Variants in ZNF69 observed in about 807,000 individuals in gnomAD.
ZNF69 encodes the protein ZNF3.
In ZNF69, 47 loss-of-function variants were observed where a neutral mutation model predicts 50.9. That is an observed-to-expected ratio of 0.92 (90% CI 0.73 to 1.18). The LOEUF is 1.18. Ranked by LOEUF, ZNF69 falls within the 50% of genes most tolerant of loss-of-function variation. The pLI, the probability that ZNF69 is intolerant of heterozygous loss-of-function variation, is 0.00. For missense variants in ZNF69, 717 were observed against 675.1 expected, an observed-to-expected ratio of 1.06 and a Z score of -0.69; for synonymous variants, 216 against 223.1, an observed-to-expected ratio of 0.97 and a Z score of 0.29.
the ZNF69 span, among the ~76,000 whole-genome samples, chr19:11,968,677 G>A: frequency 1.3e-5 from 2 of 152,120 alleles, no homozygotes; most frequent in African/African-American, 4.8e-5. Flanking sequence ...TAGCCATGGA[G>A]TCTTTGTGTG....
At chr19:11,907,131 AAG>A (rs999927300), downstream of ZNF69, among the ~76,000 whole-genome samples, 17 of 152,296 alleles carry the variant, frequency 1.1e-4, no homozygotes, top group East Asian at 2.7e-3. Context: ...TTAGAGAAAA[AAG>A]AGTAAAAAGA....
chr19:11,976,408 C>T, the ZNF69 span, among the ~76,000 whole-genome samples: 1 of 151,652 alleles, frequency 6.6e-6, no homozygotes, highest in Non-Finnish European at 1.5e-5. Context: ...CTTTATGAAC[C>T]AGCCGAGCAT....
downstream of ZNF69, among the ~76,000 whole-genome samples, chr19:11,909,214 T>C (rs1972422522): frequency 6.6e-6 from 1 of 152,158 alleles, no homozygotes; most frequent in South Asian, 2.1e-4. Flanking sequence ...AAGGACCAGA[T>C]GGATTCACAG....
At chr19:11,891,986 A>AT (rs1977101140) in intron 1 of ZNF69, among the ~76,000 whole-genome samples, 2 of 151,858 alleles carry the variant, frequency 1.3e-5, no homozygotes, top group Admixed American at 1.3e-4. Context: ...ATTTAATTTT[A>AT]TTTTTTTCTT....
the ZNF69 span, among the ~76,000 whole-genome samples, chr19:11,951,849 C>T: frequency 3.3e-5 from 5 of 152,190 alleles, no homozygotes; most frequent in African/African-American, 2.4e-5. Flanking sequence ...CTCATATGCC[C>T]GGTATGTGAC....
intron 1 of ZNF69, among the ~76,000 whole-genome samples, chr19:11,898,813 A>G (rs1389517267): frequency 1.3e-5 from 2 of 152,188 alleles, no homozygotes; most frequent in African/African-American, 2.4e-5. Flanking sequence ...CAGCCTAGGC[A>G]ACATAGCAAG....
At chr19:11,956,847 C>T in the ZNF69 span, among the ~76,000 whole-genome samples, 1 of 152,050 alleles carries the variant, frequency 6.6e-6, no homozygotes, top group African/African-American at 2.4e-5. Flanking sequence ...GAGCAAGACT[C>T]TCCAAAAAAA....
At chr19:11,948,482 C>T in the ZNF69 span, 113 of 1,613,932 alleles carry the variant, frequency 7.0e-5, no homozygotes, top group Admixed American at 1.8e-3. Context: ...GGACACAAGG[C>T]ATATGAGTAT....
At chr19:11,959,682 T>C in the ZNF69 span, among the ~76,000 whole-genome samples, 2 of 152,232 alleles carry the variant, frequency 1.3e-5, no homozygotes, top group African/African-American at 4.8e-5. Context: ...GTCTATCTTT[T>C]GATCTTATTG....
At chr19:11,912,728 C>T (rs1216640870) in intron 4 of ZNF69, among the ~76,000 whole-genome samples, 1 of 152,086 alleles carries the variant, frequency 6.6e-6, no homozygotes. Context: ...GCCTTCAGAT[C>T]AGCCTCACAC....
chr19:11,944,474 T>C, the ZNF69 span, among the ~76,000 whole-genome samples: 4 of 152,170 alleles, frequency 2.6e-5, no homozygotes, highest in Admixed American at 6.5e-5. Context: ...CCCCAATACC[T>C]TTGCTGTCTT....
chr19:11,908,888 T>G (rs902691889), downstream of ZNF69, among the ~76,000 whole-genome samples: 38 of 152,124 alleles, frequency 2.5e-4, no homozygotes, highest in Non-Finnish European at 4.3e-4. Flanking sequence ...CAGGAGCTGT[T>G]TTTTTGAAAA....
At chr19:11,975,142 A>T in the ZNF69 span, among the ~76,000 whole-genome samples, 1 of 150,622 alleles carries the variant, frequency 6.6e-6, no homozygotes, top group Non-Finnish European at 1.5e-5. Context: ...GTTGTTGCCC[A>T]GGCTGGAGTG....
the ZNF69 span, chr19:11,948,274 A>G: frequency 6.2e-7 from 1 of 1,611,262 alleles, no homozygotes. Flanking sequence ...CATGTTTTAC[A>G]GGAGTCTCAT....
the ZNF69 span, among the ~76,000 whole-genome samples, chr19:11,928,569 A>T: frequency 5.4e-5 from 8 of 149,408 alleles, no homozygotes; most frequent in Non-Finnish European, 8.9e-5. Context: ...CGTCTCTACT[A>T]AAAATACAAA....
the ZNF69 span, among the ~76,000 whole-genome samples, chr19:11,925,991 A>AG: frequency 6.6e-6 from 1 of 152,128 alleles, no homozygotes; most frequent in Non-Finnish European, 1.5e-5. Flanking sequence ...GACCTGTGGA[A>AG]GGGGGGTTAG....
the ZNF69 span, among the ~76,000 whole-genome samples, chr19:11,920,338 C>G: frequency 6.6e-6 from 1 of 152,092 alleles, no homozygotes; most frequent in Admixed American, 6.6e-5. Flanking sequence ...GTCTTGAACT[C>G]TTGATATCAG....
rs777102304 is a variant in ZNF69, at chr19:11,905,635, A to G, written c.1238A>G (p.Glu413Gly). Residue 413 changes from glutamate (E) to glycine (G), a missense_variant, in exon 4 of 4, where the codon GAG (glutamate) becomes GGG (glycine). Glu to Gly is a moderately conservative substitution (Grantham distance 98). Coordinates refer to ENST00000429654, the MANE Select transcript of ZNF69 (RefSeq NM_001364730.1). ...LRYHERIHTG[E>G]KPYECKQCGK... is the part of the protein sequence containing the mutation. ...TATCATGAAAGGATTCACACTGGAG[A>G]GAAACCCTATGAGTGTAAGCAATGT... 1.2e-6 allele frequency: 2 copies of G among 1,614,132 alleles called. No homozygotes were observed. The highest frequency in any genetic ancestry group is 1.7e-5 in the Admixed American group (1 of 60,008).
the ZNF69 span, among the ~76,000 whole-genome samples, chr19:11,972,105 G>A: frequency 4.0e-5 from 6 of 151,826 alleles, no homozygotes; most frequent in African/African-American, 1.5e-4. Context: ...TCCAGCCTGG[G>A]TAACGTGGCA....
Sources: gnomAD v4.1 joint callset for allele counts (sites outside exome capture counted in the v4.1 genomes callset) on GRCh38, gnomAD v4.1.1 for gene constraint, MANE v1.5 for transcripts, NCBI Gene and HGNC (gene_info 2026-07-23, HGNC 2026-07-21) for gene names.